AHRR: variants seen among roughly 807,000 people sequenced by gnomAD.
The protein encoded by AHRR is aryl hydrocarbon receptor repressor.
AHRR carries 28 observed loss-of-function variants against 44.0 expected under a neutral mutation model. The ratio of observed to expected loss-of-function variants is 0.64; its 90% confidence interval spans 0.47 to 0.87. The LOEUF is 0.87. Among genes scored for constraint, AHRR ranks in the 40% least tolerant of loss-of-function variants. The pLI is 0.00. For missense variants in AHRR, 990 were observed against 953.9 expected, an observed-to-expected ratio of 1.04 and a Z score of -0.50; for synonymous variants, 434 against 407.0, an observed-to-expected ratio of 1.07 and a Z score of -0.80.
At chr5:355,375 C>T (rs1022644874) in intron 3 of AHRR, among the ~76,000 whole-genome samples, 5 of 152,294 alleles carry the variant, frequency 3.3e-5, no homozygotes, top group South Asian at 2.1e-4. Flanking sequence ...TCATGGATGG[C>T]GCAGTGCGGC....
intron 4 of AHRR, among the ~76,000 whole-genome samples, chr5:393,968 C>CGACG (rs1387138990): frequency 2.0e-5 from 3 of 152,278 alleles, no homozygotes; most frequent in African/African-American, 7.2e-5. Flanking sequence ...AGTTTTGTGG[C>CGACG]GACGTGTCCT....
intron 5 of AHRR, chr5:421,279 A>G (rs1432999324): frequency 1.4e-6 from 1 of 698,686 alleles, no homozygotes; most frequent in African/African-American, 1.8e-5. Flanking sequence ...CAGGCACGGA[A>G]CGGGCGAGGC....
At chr5:399,516 G>A (rs186271497) in intron 4 of AHRR, among the ~76,000 whole-genome samples, 12 of 152,312 alleles carry the variant, frequency 7.9e-5, no homozygotes, top group African/African-American at 2.6e-4. Flanking sequence ...AGAGACAGCG[G>A]GTGCTGCCCT....
At chr5:356,577 C>T (rs1344403362) in intron 3 of AHRR, among the ~76,000 whole-genome samples, 1 of 29,354 alleles carries the variant, frequency 3.4e-5, no homozygotes, top group African/African-American at 1.6e-4. Flanking sequence ...CCCGGGCAGT[C>T]AGCGACTGAG....
intron 4 of AHRR, among the ~76,000 whole-genome samples, chr5:399,782 C>T (rs1240999215): frequency 1.3e-5 from 2 of 152,242 alleles, no homozygotes; most frequent in Admixed American, 6.5e-5. Context: ...CGCCATCTGC[C>T]TGCTCTTCTA....
intron 3 of AHRR, among the ~76,000 whole-genome samples, chr5:372,631 G>C (rs1324534171): frequency 2.0e-5 from 3 of 152,148 alleles, no homozygotes; most frequent in Admixed American, 2.0e-4. Context: ...CAGTGGCAGG[G>C]GTGCGTGATC....
chr5:427,893 G>C lies in AHRR; in HGVS notation c.795G>C (p.Ser265=), dbSNP rs367633421. Residue 265 remains serine, a synonymous_variant, in exon 8 of 11, where the codon TCG becomes TCC. Transcript: ENST00000684583. The part of the protein sequence containing the change: ...PSGAMLPPRL[S]LFCIAAPVLL... Reference sequence around the variant, plus strand: ...GAGCCATGCTCCCGCCGCGGCTGTCGCTGTTCTGCATTGCGGCACCCGTTC... The same window carrying C: ...GAGCCATGCTCCCGCCGCGGCTGTCCCTGTTCTGCATTGCGGCACCCGTTC... 2 of 1,614,014 alleles carry C rather than the reference G, an allele frequency of 1.2e-6. No individual in the cohort carries two copies. Among genetic ancestry groups the C allele is most frequent in the African/African-American group, 2.7e-5 (2 of 74,952 alleles).
rs1208093506 is a variant in AHRR at position 421,305 on chromosome 5, GC to G, written c.442-1419del. On this transcript the variant is annotated intron_variant, in intron 5 of 10. Coordinates refer to ENST00000684583, the MANE Select transcript of AHRR (RefSeq NM_001377236.1). ...CGGGCGAGGCTGTTGCGCTGCAGGT[GC>G]CCCCACGGTCGCGATGCGGGGCAGG... 122 of 696,822 alleles carry G rather than the reference GC, an allele frequency of 1.8e-4. 1 individual carries two copies. The East Asian group carries it at 3.3e-3, about 19-fold the overall frequency. The allele number at this position is 696,822 out of a possible 1,614,324, so 43.2% of individuals were successfully genotyped here. A position where few individuals can be genotyped will look rare whatever the true frequency, so the allele number is the denominator to read the frequency against.
chr5:345,987 G>A (rs1311616599), intron 2 of AHRR, among the ~76,000 whole-genome samples: 2 of 152,284 alleles, frequency 1.3e-5, no homozygotes, highest in South Asian at 2.1e-4. Flanking sequence ...TCTGTGCATC[G>A]AACACCAGCA....
intron 3 of AHRR, among the ~76,000 whole-genome samples, chr5:367,487 A>AGAG (rs1384014841): frequency 1.3e-5 from 2 of 152,254 alleles, no homozygotes; most frequent in East Asian, 3.8e-4. Flanking sequence ...TCAAGGGCAC[A>AGAG]GAGGAGTGGG....
intron 4 of AHRR, among the ~76,000 whole-genome samples, chr5:385,275 A>G (rs1322862601): frequency 6.6e-6 from 1 of 152,088 alleles, no homozygotes; most frequent in Non-Finnish European, 1.5e-5. Flanking sequence ...CTTGGACTCA[A>G]GAAATCCTTT....
chr5:398,811 T>C (rs1031759335), intron 4 of AHRR, among the ~76,000 whole-genome samples: 11 of 152,256 alleles, frequency 7.2e-5, no homozygotes, highest in Non-Finnish European at 1.5e-4. Flanking sequence ...CCGGAGGCCG[T>C]GAGTGGCCCT....
intron 4 of AHRR, among the ~76,000 whole-genome samples, chr5:409,055 G>A (rs952592574): frequency 6.6e-6 from 1 of 152,144 alleles, no homozygotes; most frequent in Non-Finnish European, 1.5e-5. Context: ...AGTTTGGCCT[G>A]TTCTTAGATG....
intron 3 of AHRR, among the ~76,000 whole-genome samples, chr5:371,876 G>C (rs772613774): frequency 6.6e-6 from 1 of 152,164 alleles, no homozygotes; most frequent in African/African-American, 2.4e-5. Context: ...CCCTTCCAAC[G>C]AGGATGCTTA....
chr5:416,837 G>A (rs1735837486), intron 5 of AHRR, among the ~76,000 whole-genome samples: 1 of 152,240 alleles, frequency 6.6e-6, no homozygotes, highest in Admixed American at 6.5e-5. Flanking sequence ...CTTAAACAGA[G>A]CAGCTTCGGC....
chr5:430,184 T>A (rs1736659141), intron 8 of AHRR, among the ~76,000 whole-genome samples: 1 of 152,190 alleles, frequency 6.6e-6, no homozygotes, highest in Admixed American at 6.5e-5. Context: ...TAACTTCCAT[T>A]AGTATTCAAT....
In AHRR at chr5:395,900, G is replaced by A. The variant is rs1734682216; in HGVS notation, c.352-17444G>A. On this transcript the variant is annotated intron_variant, in intron 4 of 10. Coordinates refer to ENST00000684583, the MANE Select transcript of AHRR (RefSeq NM_001377236.1). The surrounding 1 kb of genome is among the most constrained non-coding windows in gnomAD (Gnocchi z 5.3). Reference sequence around the variant, plus strand: ...GTCCCCTTCCTCCAGCTTCCTCCATGCAGTGATGTTGCCTGGCTCTAAGGG... The same window carrying A: ...GTCCCCTTCCTCCAGCTTCCTCCATACAGTGATGTTGCCTGGCTCTAAGGG... Among the ~76,000 whole-genome samples the A allele has an allele frequency of 6.6e-6, 1 of 152,226 alleles. No individual in the cohort carries two copies. Among genetic ancestry groups the A allele is most frequent in the Admixed American group, 6.5e-5 (1 of 15,286 alleles).
chr5:344,892 G>T (rs1742546664), intron 2 of AHRR, among the ~76,000 whole-genome samples: 1 of 132,620 alleles, frequency 7.5e-6, no homozygotes, highest in Non-Finnish European at 1.6e-5. Flanking sequence ...GCGAAGCTGT[G>T]TGAGACTGCG....
At chr5:415,121 T>G (rs1391812983) in intron 5 of AHRR, among the ~76,000 whole-genome samples, 1 of 152,242 alleles carries the variant, frequency 6.6e-6, no homozygotes, top group Non-Finnish European at 1.5e-5. Context: ...CCAGGTGAGA[T>G]GCGCACCTGG....
Sources: allele counts gnomAD v4.1 joint callset (sites outside exome capture counted in the v4.1 genomes callset), GRCh38; gene constraint gnomAD v4.1.1; non-coding constraint Gnocchi (gnomAD v3.1); transcripts MANE v1.5; gene names NCBI Gene and HGNC (gene_info 2026-07-23, HGNC 2026-07-21).